Variants in LLGL1 observed in about 807,000 individuals in gnomAD.
LLGL1 encodes lethal(2) giant larvae protein homolog 1.
LLGL1 carries 58 observed loss-of-function variants against 110.6 expected under a neutral mutation model. The ratio of observed to expected loss-of-function variants is 0.52; its 90% CI spans 0.42 to 0.65. LLGL1 has a LOEUF of 0.65. Among genes scored for constraint, LLGL1 ranks in the 30% least tolerant of loss-of-function variants. The probability of loss-of-function intolerance (pLI) is 0.00; values close to 1 mark genes in which losing one functional copy is unlikely to be tolerated. For synonymous variants in LLGL1, 674 were observed against 607.2 expected (o/e 1.11, Z -1.62); for missense variants, 1,229 against 1,462.1 (o/e 0.84, Z 2.60).
In LLGL1 at chr17:18,235,529, G is replaced by A; in HGVS notation, c.1344G>A (p.Leu448=). Residue 448 remains leucine (L), a synonymous_variant, in exon 11 of 23, where the codon CTG becomes CTA. Coordinates refer to ENST00000316843, the MANE Select transcript of LLGL1 (RefSeq NM_004140.4). Reference sequence around the variant, plus strand: ...AGGAGCCGTCACAGCGAGGGCTGCTGCTGACGGGGTAGGTGTGCGTGCTTA... The same window carrying A: ...AGGAGCCGTCACAGCGAGGGCTGCTACTGACGGGGTAGGTGTGCGTGCTTA... ...LAQEPSQRGL[L]LTGHEDGTVR... The A allele has an allele frequency of 1.2e-6, 2 of 1,613,774 alleles. No homozygotes were observed. The highest frequency in any genetic ancestry group is 1.7e-6 in the Non-Finnish European group (2 of 1,179,904).
chr17:18,239,283 G>A (rs1166588267), intron 16 of LLGL1, among the ~76,000 whole-genome samples: 2 of 152,156 alleles, frequency 1.3e-5, no homozygotes, highest in African/African-American at 2.4e-5. Flanking sequence ...AGATACTGCT[G>A]CTGGCCAGAG....
Position 18,234,050 on chromosome 17 carries a change from C to G in LLGL1, c.589C>G (p.Pro197Ala). 2 of 1,601,316 alleles carry G rather than the reference C, an allele frequency of 1.2e-6. No homozygotes were observed. The highest frequency in any genetic ancestry group is 1.7e-6 in the Non-Finnish European group (2 of 1,171,656). Residue 197 changes from proline (P) to alanine (A), a missense_variant, in exon 6 of 23, where the codon CCC becomes GCC. Coordinates refer to ENST00000316843, the MANE Select transcript of LLGL1 (RefSeq NM_004140.4). ...CTACCGCTGTGGGAAGGCACTGGGCCCCGTGGAGTCACTCCAGGGACACCT... is the reference window on the plus strand; with the variant it reads ...CTACCGCTGTGGGAAGGCACTGGGCGCCGTGGAGTCACTCCAGGGACACCT... ...DDYRCGKALG[P>A]VESLQGHLRD... is the part of the protein sequence containing the mutation.
At chr17:18,230,134 G>T (rs919501033) in intron 2 of LLGL1, 96 bp downstream of exon 2, 31 of 950,704 alleles carry the variant, frequency 3.3e-5, no homozygotes, top group Non-Finnish European at 2.1e-5. Flanking sequence ...TGTCCAGCTC[G>T]AGAGGAGGAC....
intron 2 of LLGL1, among the ~76,000 whole-genome samples, 179 bp from the exon 3 acceptor site, chr17:18,232,316 T>C (rs764615240): frequency 2.6e-5 from 4 of 152,196 alleles, no homozygotes; most frequent in African/African-American, 9.6e-5. Context: ...GGGGATACTG[T>C]AGGGGTGCAG....
At position 18,232,505 on chromosome 17, in the gene LLGL1, C is replaced by G. The variant is rs918284262; in HGVS notation, c.190C>G (p.Pro64Ala). The G allele has an allele frequency of 6.2e-7, 1 of 1,613,840 alleles. No individual in the cohort carries two copies. Among genetic ancestry groups the G allele is most frequent in the Non-Finnish European group, 8.5e-7 (1 of 1,179,816 alleles). ...ACCTGCCACCCTCAGCTATGGTGCA[C>G]CTGGCGTGGAGTTCACAGGCCTGCA... is the stretch of plus-strand genomic sequence containing the variant. ...RSGAVKIYGA[P>A]GVEFTGLHRD... Residue 64 changes from proline to alanine, a missense_variant, in exon 3 of 23, where the codon CCT becomes GCT. Coordinates refer to ENST00000316843, the MANE Select transcript of LLGL1 (RefSeq NM_004140.4).
rs1055890472 is a variant in LLGL1, at chr17:18,232,540, A to G, written c.225A>G (p.Ala75=). ...GVEFTGLHRD[A]ATVTQMHFLT... is the part of the protein sequence containing the mutation. ...AGTTCACAGGCCTGCACCGGGATGC[A>G]GCCACTGTCACACAGATGCACTTCT... The change falls in exon 3 of 23, where the codon GCA becomes GCG. Residue 75 remains alanine, a synonymous_variant. Transcript: ENST00000316843. 1.2e-6 allele frequency: 2 copies of G among 1,614,128 alleles called. No individual in the cohort carries two copies. The highest frequency in any genetic ancestry group is 1.1e-5 in the South Asian group (1 of 91,082).
rs780431267 is a variant in LLGL1 at position 18,233,768 on chromosome 17, T to TTCCCTGCAGTGC, written c.393-6_398dup. ...TTGTACCCTCACTCCCTTCCCCTTG[T>TTCCCTGCAGTGC]TCCCTGCAGTGCTCCGCTCAGCCTT... On this transcript the variant is annotated splice_polypyrimidine_tract_variant and intron_variant, in intron 4 of 22. Transcript: ENST00000316843. The TTCCCTGCAGTGC allele has an allele frequency of 1.9e-5, 31 of 1,609,140 alleles. 1 individual carries two copies. The highest frequency in any genetic ancestry group is 3.3e-4 in the Middle Eastern group (2 of 6,034).
chr17:18,242,191 C>T lies in LLGL1; in HGVS notation c.2908C>T (p.Leu970=). The change falls in exon 20 of 23, where the codon CTG becomes TTG. Residue 970 remains leucine, a synonymous_variant. Transcript: ENST00000316843. The part of the protein sequence containing the change: ...ASYRIRESPK[L]SQANGTPSIL... ...TTACAGGATCCGAGAGTCACCCAAG[C>T]TGAGCCAGGCTAACGGGACCCCAAG... The T allele has an allele frequency of 6.2e-7, 1 of 1,614,048 alleles. No homozygotes were observed. Among genetic ancestry groups the T allele is most frequent in the African/African-American group, 1.3e-5 (1 of 75,024 alleles).
chr17:18,232,631 C>T (rs373268920), intron 3 of LLGL1, 41 bp from the exon 4 acceptor site: 1 of 1,613,866 alleles, frequency 6.2e-7, no homozygotes, highest in Non-Finnish European at 8.5e-7. Flanking sequence ...TCTACTCATC[C>T]CCCTAGGCCA....
Position 18,237,531 on chromosome 17 carries a change from G to A in LLGL1, c.1662G>A (p.Val554=). 1 of 1,603,012 alleles carries A rather than the reference G, an allele frequency of 6.2e-7. No individual in the cohort carries two copies. Among genetic ancestry groups the A allele is most frequent in the Non-Finnish European group, 8.5e-7 (1 of 1,173,528 alleles). The part of the protein sequence containing the change: ...SDVPVEQAVS[V]AIIDLLQDRE... The stretch of plus-strand genomic sequence containing the variant: ...TGCCGGTGGAGCAGGCGGTCAGCGT[G>A]GCCATCATAGACCTCCTCCAGGACC... The change falls in exon 14 of 23, where the codon GTG becomes GTA. Residue 554 remains valine, a synonymous_variant. Coordinates refer to ENST00000316843, the MANE Select transcript of LLGL1 (RefSeq NM_004140.4).
Position 18,237,657 on chromosome 17 carries a change from G to A in LLGL1, c.1788G>A (p.Leu596=), listed in dbSNP as rs1327069517. 1 of 1,612,276 alleles carries A rather than the reference G, an allele frequency of 6.2e-7. No individual in the cohort carries two copies. Residue 596 remains leucine, a synonymous_variant, in exon 14 of 23, where the codon CTG becomes CTA. Transcript: ENST00000316843. ...AGCCCCGTGTCCTGGTGCAGTGCCT[G>A]CCGCCAGCTGCTGTAACCGCTGTCA... ...GFQPRVLVQC[L]PPAAVTAVTL...
chr17:18,238,343 A>T (rs1264011301), intron 15 of LLGL1, 113 bp from the exon 16 acceptor site: 1 of 1,568,414 alleles, frequency 6.4e-7, no homozygotes, highest in Non-Finnish European at 8.6e-7. Context: ...CTCCAGAGGG[A>T]TGGGTGAACT....
intron 9 of LLGL1, 38 bp downstream of exon 9, chr17:18,235,031 A>C (rs2047660613): frequency 7.4e-6 from 12 of 1,613,462 alleles, no homozygotes; most frequent in Middle Eastern, 1.6e-4. Flanking sequence ...TCCCAGCCCC[A>C]CCTGGTGCCC....
chr17:18,242,363 G>C, intron 20 of LLGL1, 85 bp downstream of exon 20: 1 of 1,547,294 alleles, frequency 6.5e-7, no homozygotes, highest in Non-Finnish European at 8.9e-7. Context: ...TCAGGGATCG[G>C]GCAGGCTTCT....
intron 6 of LLGL1, 24 bp from the exon 7 acceptor site, chr17:18,234,249 C>T: frequency 2.5e-6 from 4 of 1,590,970 alleles, no homozygotes; most frequent in Non-Finnish European, 3.4e-6. Flanking sequence ...GCCTGCCTGC[C>T]TGCCTGCCCC....
At position 18,231,332 on chromosome 17, in the gene LLGL1, C is replaced by A. The variant is rs1409286456; in HGVS notation, c.180-1163C>A. 2.0e-5 allele frequency among the ~76,000 whole-genome samples: 3 copies of A among 152,220 alleles called. No homozygotes were observed. The East Asian group carries it at 5.8e-4, about 29-fold the overall frequency. On this transcript the variant is annotated intron_variant, in intron 2 of 22. Coordinates refer to ENST00000316843, the MANE Select transcript of LLGL1 (RefSeq NM_004140.4). ...CTGGTTCCCGCCCAGCTGCTCCTGT[C>A]CCCTCTTTTGTCCCTTCTTCGGAGT...
chr17:18,229,706 A>G (rs111527027), intron 1 of LLGL1, among the ~76,000 whole-genome samples: 1 of 152,100 alleles, frequency 6.6e-6, no homozygotes, highest in Non-Finnish European at 1.5e-5. Context: ...TCTGTGGACT[A>G]TGCACGCGGT....
chr17:18,232,953 G>T, intron 4 of LLGL1, 151 bp downstream of exon 4: 1 of 1,025,256 alleles, frequency 9.8e-7, no homozygotes, highest in Non-Finnish European at 1.4e-6. Flanking sequence ...GCAGCTGTTG[G>T]ACCCTGCTTT....
Position 18,240,689 on chromosome 17 carries a change from C to T in LLGL1, c.2318C>T (p.Ala773Val), listed in dbSNP as rs768385606. 37 of 1,612,908 alleles carry T rather than the reference C, an allele frequency of 2.3e-5. No homozygotes were observed. Among genetic ancestry groups the T allele is most frequent in the African/African-American group, 6.7e-5 (5 of 74,914 alleles). The part of the protein sequence containing the change: ...AVGGEKRPEQ[A>V]VEAVLGKEVQ... ...GGTGGTGAGAAGCGGCCTGAGCAAG[C>T]GGTGGAGGCCGTGCTGGGCAAGGAG... Residue 773 changes from alanine (A) to valine (V), a missense_variant, in exon 17 of 23, where the codon GCG (alanine) becomes GTG (valine). By Grantham distance (64) the Ala-to-Val change is moderately conservative. Transcript: ENST00000316843. The surrounding 1 kb of genome is among the most constrained non-coding windows in gnomAD (Gnocchi z 5.3).
Sources: gnomAD v4.1 joint callset for allele counts (sites outside exome capture counted in the v4.1 genomes callset) on GRCh38, gnomAD v4.1.1 for gene constraint, Gnocchi (gnomAD v3.1) non-coding constraint, MANE v1.5 for transcripts, NCBI Gene and HGNC (gene_info 2026-07-23, HGNC 2026-07-21) for gene names.